AGAP1: variants seen among roughly 807,000 people sequenced by gnomAD.
The protein encoded by AGAP1 is arf-GAP with GTPase, ANK repeat and PH domain-containing protein 1.
A neutral mutation model predicts 105.3 loss-of-function variants in AGAP1; 29 were observed. The observed-to-expected ratio is 0.28, with a 90% CI of 0.21 to 0.38. The LOEUF (loss-of-function observed/expected upper bound fraction) is 0.38, where lower values mean the gene tolerates loss of function less well. AGAP1 is among the 10% of genes least tolerant of loss of function. The probability of loss-of-function intolerance (pLI) is 1.00; values close to 1 mark genes in which losing one functional copy is unlikely to be tolerated. For synonymous variants in AGAP1, 509 were observed against 485.9 expected (o/e 1.05, Z -0.63); for missense variants, 998 against 1,165.1 (o/e 0.86, Z 2.09).
rs1471041534 is a variant in AGAP1 at position 235,889,250 on chromosome 2, G to A, written c.1155+5801G>A. Among the ~76,000 whole-genome samples the A allele has an allele frequency of 6.6e-6, 1 of 152,152 alleles. No homozygotes were observed. The highest frequency in any genetic ancestry group is 6.5e-5 in the Admixed American group (1 of 15,276). ...GCAGGATGACCTGCTCTTTGAAACTGTGGCTTCAGAACAAAGCAGCCAGTC... is the reference window on the plus strand; with the variant it reads ...GCAGGATGACCTGCTCTTTGAAACTATGGCTTCAGAACAAAGCAGCCAGTC... On this transcript the variant is annotated intron_variant, in intron 10 of 17. Transcript: ENST00000304032. The surrounding 1 kb of genome is among the most constrained non-coding windows in gnomAD (Gnocchi z 4.6).
rs1289219548 is a variant in AGAP1, at chr2:235,659,692, C to G, written c.164-49487C>G. Among the ~76,000 whole-genome samples the G allele has an allele frequency of 2.6e-5, 4 of 152,234 alleles. No homozygotes were observed. The highest frequency in any genetic ancestry group is 2.0e-4 in the Admixed American group (3 of 15,282). ...TGGGGATGGGTTCAATTATTATCCT[C>G]TCTGTAAACAGTTCTCAGTTATTCC... is the stretch of plus-strand genomic sequence containing the variant. On this transcript the variant is annotated intron_variant, in intron 1 of 17. Coordinates refer to ENST00000304032, the MANE Select transcript of AGAP1 (RefSeq NM_001037131.3). This position sits in a 1 kb window ranked among gnomAD's most constrained non-coding sequence, Gnocchi z 5.0.
At chr2:235,859,380 T>TCCCCCCCCCAC (rs1273247713) in intron 9 of AGAP1, among the ~76,000 whole-genome samples, 1 of 51,960 alleles carries the variant, frequency 1.9e-5, no homozygotes, top group Admixed American at 2.7e-4. Context: ...TCTGCAACTC[T>TCCCCCCCCCAC]CCCCCCACAA....
chr2:235,884,815 CA>C (rs2050193488), intron 10 of AGAP1, among the ~76,000 whole-genome samples: 1 of 152,100 alleles, frequency 6.6e-6, no homozygotes, highest in South Asian at 2.1e-4. Context: ...CCACAGATAA[CA>C]AAAGGCAACT....
intron 13 of AGAP1, among the ~76,000 whole-genome samples, chr2:236,016,192 T>G (rs770917635): frequency 5.9e-5 from 9 of 152,178 alleles, no homozygotes; most frequent in Non-Finnish European, 1.2e-4. Flanking sequence ...GTATCTTCTT[T>G]CAAAGCACTC....
chr2:235,526,306 C>G (rs1400980053), intron 1 of AGAP1, among the ~76,000 whole-genome samples: 1 of 152,220 alleles, frequency 6.6e-6, no homozygotes, highest in Admixed American at 6.5e-5. Context: ...AGAGGCATAT[C>G]TAGGTTCTCT....
chr2:235,882,052 T>G lies in AGAP1; in HGVS notation c.1051-1293T>G, dbSNP rs762171275. 2.0e-5 allele frequency among the ~76,000 whole-genome samples: 3 copies of G among 152,032 alleles called. No homozygotes were observed. Among genetic ancestry groups the G allele is most frequent in the Non-Finnish European group, 4.4e-5 (3 of 68,010 alleles). Reference sequence around the variant, plus strand: ...GGGTTTTTCTGGGGTTTTTTTGTGGTTTTTGTTTTGTTTTGTTTTGGTGGG... The same window carrying G: ...GGGTTTTTCTGGGGTTTTTTTGTGGGTTTTGTTTTGTTTTGTTTTGGTGGG... On this transcript the variant is annotated intron_variant, in intron 9 of 17. Transcript: ENST00000304032. This position sits in a 1 kb window ranked among gnomAD's most constrained non-coding sequence, Gnocchi z 4.6.
rs2053757398 is a variant in AGAP1 at position 235,951,990 on chromosome 2, A to G, written c.1484-16472A>G. Among the ~76,000 whole-genome samples the G allele has an allele frequency of 6.6e-6, 1 of 152,194 alleles. No individual in the cohort carries two copies. Among genetic ancestry groups the G allele is most frequent in the African/African-American group, 2.4e-5 (1 of 41,438 alleles). On this transcript the variant is annotated intron_variant, in intron 12 of 17. Transcript: ENST00000304032. The surrounding 1 kb of genome is among the most constrained non-coding windows in gnomAD (Gnocchi z 4.2). ...CTGCTATGTATTTGTGACCTGATAT[A>G]TTATTTTTAAATACAGTTGTTTAAT...
intron 8 of AGAP1, among the ~76,000 whole-genome samples, chr2:235,803,214 G>A (rs989001283): frequency 6.6e-6 from 1 of 151,842 alleles, no homozygotes; most frequent in Non-Finnish European, 1.5e-5. Context: ...GGTGGTGGTG[G>A]TGATGATGCA....
At chr2:235,695,074 G>A (rs961021031) in intron 1 of AGAP1, among the ~76,000 whole-genome samples, 2 of 152,176 alleles carry the variant, frequency 1.3e-5, no homozygotes, top group Non-Finnish European at 2.9e-5. Flanking sequence ...AAGAATCTTT[G>A]ACATTCATGG....
chr2:235,811,087 A>G (rs1031173667), intron 9 of AGAP1, among the ~76,000 whole-genome samples: 14 of 152,336 alleles, frequency 9.2e-5, no homozygotes, highest in African/African-American at 2.9e-4. Context: ...AGAAGGTGAC[A>G]TGCAAATCGT....
chr2:235,840,406 C>T (rs1960677501), intron 9 of AGAP1, among the ~76,000 whole-genome samples: 1 of 152,250 alleles, frequency 6.6e-6, no homozygotes, highest in Non-Finnish European at 1.5e-5. Flanking sequence ...CTTGTTCTCA[C>T]CTTTGCCCAG....
chr2:235,494,859 G>A lies in AGAP1; in HGVS notation c.163+10G>A. Reference sequence around the variant, plus strand: ...GTCATCGCCATCGAAGGTGAGGGCCGGGCCGCCTTGGGGCCTCGGGAAGGC... The same window carrying A: ...GTCATCGCCATCGAAGGTGAGGGCCAGGCCGCCTTGGGGCCTCGGGAAGGC... On this transcript the variant is annotated intron_variant, in intron 1 of 17. Transcript: ENST00000304032. The A allele has an allele frequency of 1.3e-6, 2 of 1,559,620 alleles. No homozygotes were observed. The highest frequency in any genetic ancestry group is 8.7e-7 in the Non-Finnish European group (1 of 1,152,676).
At chr2:235,790,196 A>G (rs1001308465) in intron 6 of AGAP1, among the ~76,000 whole-genome samples, 7 of 152,218 alleles carry the variant, frequency 4.6e-5, no homozygotes, top group Non-Finnish European at 7.3e-5. Flanking sequence ...TGGAACGTAC[A>G]TTAAAGAAAT....
intron 13 of AGAP1, among the ~76,000 whole-genome samples, chr2:236,019,978 C>G (rs571638889): frequency 6.6e-6 from 1 of 152,250 alleles, no homozygotes; most frequent in Non-Finnish European, 1.5e-5. Context: ...CAGATGGGTT[C>G]TCTTTCACAC....
At chr2:235,500,750 C>T (rs1025276534) in intron 1 of AGAP1, among the ~76,000 whole-genome samples, 2 of 152,132 alleles carry the variant, frequency 1.3e-5, no homozygotes, top group East Asian at 1.9e-4. Context: ...AGGGGCCTGT[C>T]GTGCCAGACC....
Position 235,662,298 on chromosome 2 carries a change from G to T in AGAP1, c.164-46881G>T, listed in dbSNP as rs144557437. On this transcript the variant is annotated intron_variant, in intron 1 of 17. Transcript: ENST00000304032. This position sits in a 1 kb window ranked among gnomAD's most constrained non-coding sequence, Gnocchi z 4.2. The stretch of plus-strand genomic sequence containing the variant: ...GCGGCTTTAGAGAGTGTCTGTGCAG[G>T]CTGCCTCTGATCCCTCAGTCAGTGT... Among the ~76,000 whole-genome samples, 629 of 152,310 alleles carry T rather than the reference G, an allele frequency of 4.1e-3. 5 individuals are homozygous for T. The highest frequency in any genetic ancestry group is 0.015 in the African/African-American group (618 of 41,560).
chr2:235,689,153 G>C lies in AGAP1; in HGVS notation c.164-20026G>C, dbSNP rs111648004. ...TATCCCATGAGTTAGGGGCTTCAGG[G>C]CTTCTGCGCTTTGCTGGCCCTTGTG... On this transcript the variant is annotated intron_variant, in intron 1 of 17. Coordinates refer to ENST00000304032, the MANE Select transcript of AGAP1 (RefSeq NM_001037131.3). The surrounding 1 kb of genome is among the most constrained non-coding windows in gnomAD (Gnocchi z 4.2). Among the ~76,000 whole-genome samples, 1,678 of 152,346 alleles carry C rather than the reference G, an allele frequency of 0.011. 16 individuals are homozygous for C. The highest frequency in any genetic ancestry group is 0.03 in the East Asian group (153 of 5,182).
At chr2:235,548,009 G>A (rs2149108652) in intron 1 of AGAP1, among the ~76,000 whole-genome samples, 1 of 152,386 alleles carries the variant, frequency 6.6e-6, no homozygotes, top group South Asian at 2.1e-4. Flanking sequence ...AGCGGTGACA[G>A]CTACAATATT....
intron 1 of AGAP1, among the ~76,000 whole-genome samples, chr2:235,580,586 T>G (rs1559264584): frequency 2.6e-5 from 4 of 152,178 alleles, no homozygotes. Context: ...AAAAAACAGC[T>G]ACTTGTGCCT....
Sources: allele counts gnomAD v4.1 joint callset (sites outside exome capture counted in the v4.1 genomes callset), GRCh38; gene constraint gnomAD v4.1.1; non-coding constraint Gnocchi (gnomAD v3.1); transcripts MANE v1.5; gene names NCBI Gene and HGNC (gene_info 2026-07-23, HGNC 2026-07-21).